The following AFF1 variants were observed in gnomAD, a reference collection of about 807,000 sequenced individuals.
AFF1 encodes AF4/FMR2 family member 1.
AFF1 carries 48 observed loss-of-function variants against 121.7 expected under a neutral mutation model. That is an observed-to-expected ratio of 0.39 (90% confidence interval 0.31 to 0.50). The LOEUF (loss-of-function observed/expected upper bound fraction) is 0.50, where lower values mean the gene tolerates loss of function less well. Ranked by LOEUF, AFF1 falls within the 20% of genes least tolerant of loss-of-function variation. The probability of loss-of-function intolerance (pLI) is 0.76; values close to 1 mark genes in which losing one functional copy is unlikely to be tolerated. For missense variants in AFF1, 1,523 were observed against 1,511.7 expected (o/e 1.01, Z -0.12); for synonymous variants, 613 against 563.0 (o/e 1.09, Z -1.26).
At chr4:87,109,516 T>G (rs1726254690) in intron 11 of AFF1, among the ~76,000 whole-genome samples, 1 of 152,224 alleles carries the variant, frequency 6.6e-6, no homozygotes, top group African/African-American at 2.4e-5. Context: ...TGATACTAAT[T>G]GCTATTGAAA....
chr4:87,008,505 T>C (rs2087417905), intron 2 of AFF1, among the ~76,000 whole-genome samples: 1 of 152,206 alleles, frequency 6.6e-6, no homozygotes. Context: ...TATCCTCTGC[T>C]TCCATTTTAT....
chr4:86,947,231 G>A, intron 1 of AFF1, among the ~76,000 whole-genome samples: 1 of 152,350 alleles, frequency 6.6e-6, no homozygotes, highest in South Asian at 2.1e-4. Flanking sequence ...CTGAAAAGTA[G>A]ATCTCTGCTA....
At chr4:87,096,419 G>T (rs1451404162) in intron 8 of AFF1, among the ~76,000 whole-genome samples, 1 of 142,962 alleles carries the variant, frequency 7.0e-6, no homozygotes, top group Non-Finnish European at 1.5e-5. Flanking sequence ...TTTGGTAGAG[G>T]TGGGGTCTCC....
At chr4:86,945,539 C>T (rs1236821658) in intron 1 of AFF1, among the ~76,000 whole-genome samples, 1 of 131,066 alleles carries the variant, frequency 7.6e-6, no homozygotes, top group African/African-American at 3.0e-5. Flanking sequence ...GTCTCTGTTA[C>T]CCAGGCTGCA....
Position 87,139,579 on chromosome 4 carries a change from C to T in AFF1, c.*3878C>T, listed in dbSNP as rs1443502340. On this transcript the variant is annotated 3_prime_UTR_variant, in exon 21 of 21. Coordinates refer to ENST00000395146, the MANE Select transcript of AFF1 (RefSeq NM_001166693.3). ...ACTGAAAAGTGAGAGTTACGCATTG[C>T]AGCCATGAAGGGATGCTAGGATCAA... is the stretch of plus-strand genomic sequence containing the variant. The T allele has an allele frequency of 1.7e-5, 4 of 230,144 alleles. No homozygotes were observed. The highest frequency in any genetic ancestry group is 6.6e-5 in the African/African-American group (3 of 45,166). 14.3% of individuals were successfully genotyped at this position (230,144 alleles called of 1,614,324 possible).
At chr4:87,125,253 C>T (rs1343928015) in intron 13 of AFF1, 110 bp downstream of exon 13, 3 of 692,830 alleles carry the variant, frequency 4.3e-6, no homozygotes, top group African/African-American at 3.6e-5. Context: ...TTAATAAACT[C>T]AAGCTCATTT....
At chr4:87,108,402 C>A in intron 11 of AFF1, 87 bp downstream of exon 11, 1 of 1,423,402 alleles carries the variant, frequency 7.0e-7, no homozygotes, top group Non-Finnish European at 9.5e-7. Context: ...CCAGGACTGA[C>A]CATGAGACTG....
intron 8 of AFF1, among the ~76,000 whole-genome samples, chr4:87,100,109 C>T (rs1258091581): frequency 6.6e-6 from 1 of 152,080 alleles, no homozygotes; most frequent in Admixed American, 6.5e-5. Context: ...ATCATAACTG[C>T]TAATTTACTA....
intron 12 of AFF1, among the ~76,000 whole-genome samples, chr4:87,122,823 T>A (rs1727828578): frequency 6.9e-6 from 1 of 145,440 alleles, no homozygotes; most frequent in African/African-American, 2.6e-5. Flanking sequence ...ACATATGTAA[T>A]TTAAACTTTT....
At chr4:87,031,263 C>A (rs754469262) in intron 2 of AFF1, among the ~76,000 whole-genome samples, 2 of 152,150 alleles carry the variant, frequency 1.3e-5, no homozygotes, top group Non-Finnish European at 2.9e-5. Context: ...TAAGTGCTGT[C>A]TTGGGGCGGA....
At chr4:87,106,830 TGTTACA>T (rs1195139166) in intron 10 of AFF1, among the ~76,000 whole-genome samples, 1 of 152,220 alleles carries the variant, frequency 6.6e-6, no homozygotes, top group Non-Finnish European at 1.5e-5. Context: ...ATGCAGGGGA[TGTTACA>T]GTTAATGTGG....
At chr4:87,006,359 A>G (rs2149527183) in intron 2 of AFF1, among the ~76,000 whole-genome samples, 1 of 152,274 alleles carries the variant, frequency 6.6e-6, no homozygotes, top group South Asian at 2.1e-4. Flanking sequence ...TCCTCTGAGT[A>G]GGAAGTGATT....
chr4:86,968,728 C>T (rs1047048724), intron 2 of AFF1, among the ~76,000 whole-genome samples: 14 of 152,182 alleles, frequency 9.2e-5, no homozygotes, highest in Admixed American at 2.6e-4. Context: ...ATATAAATCA[C>T]GAAGGCAGCT....
intron 2 of AFF1, among the ~76,000 whole-genome samples, chr4:86,991,834 CTTTTT>C (rs34804329): frequency 7.0e-5 from 8 of 113,708 alleles, no homozygotes; most frequent in African/African-American, 2.3e-4. Flanking sequence ...CTTCAAATTG[CTTTTT>C]TTTTTTTTTT....
At chr4:87,091,987 G>A (rs1724365116) in intron 7 of AFF1, among the ~76,000 whole-genome samples, 158 bp downstream of exon 7, 1 of 152,190 alleles carries the variant, frequency 6.6e-6, no homozygotes, top group South Asian at 2.1e-4. Context: ...TCTTTATGTG[G>A]GATTTAAAAT....
chr4:87,077,560 TC>T (rs1722793647), intron 4 of AFF1, among the ~76,000 whole-genome samples: 1 of 152,134 alleles, frequency 6.6e-6, no homozygotes, highest in African/African-American at 2.4e-5. Context: ...TTGAAAATCT[TC>T]CCCCTATTCC....
chr4:87,110,753 C>G (rs182854334), intron 11 of AFF1, among the ~76,000 whole-genome samples: 161 of 152,184 alleles, frequency 1.1e-3, no homozygotes, highest in African/African-American at 3.7e-3. Flanking sequence ...ATAATTCATT[C>G]TCAAATATAC....
intron 2 of AFF1, among the ~76,000 whole-genome samples, chr4:87,003,364 C>T (rs903595728): frequency 3.3e-5 from 5 of 152,146 alleles, no homozygotes; most frequent in African/African-American, 1.2e-4. Flanking sequence ...CCTGGGCTCA[C>T]GCAATCCTCT....
intron 2 of AFF1, among the ~76,000 whole-genome samples, chr4:87,031,480 A>G (rs1224814882): frequency 7.1e-6 from 1 of 141,300 alleles, no homozygotes; most frequent in Non-Finnish European, 1.5e-5. Context: ...TCATTTGTGT[A>G]TCTCGCTAAA....
Sources: allele counts gnomAD v4.1 joint callset (sites outside exome capture counted in the v4.1 genomes callset), GRCh38; gene constraint gnomAD v4.1.1; transcripts MANE v1.5; gene names NCBI Gene and HGNC (gene_info 2026-07-23, HGNC 2026-07-21).